The following RELCH variants were observed in gnomAD, a reference collection of about 807,000 sequenced individuals.
The protein encoded by RELCH is RAB11 binding and LisH domain, coiled-coil and HEAT repeat containing.
RELCH carries 41 observed loss-of-function variants against 150.3 expected under a neutral mutation model. That is an observed-to-expected ratio of 0.27 (90% confidence interval 0.21 to 0.35). The LOEUF (loss-of-function observed/expected upper bound fraction) is 0.35, where lower values mean the gene tolerates loss of function less well. RELCH is among the 10% of genes least tolerant of loss of function. The pLI is 1.00. For synonymous variants in RELCH, 478 were observed against 531.8 expected (o/e 0.90, Z 1.39); for missense variants, 1,092 against 1,467.8 (o/e 0.74, Z 4.18).
chr18:62,305,194 G>T lies in RELCH; in HGVS notation c.3531-220G>T, dbSNP rs1293749084. 1.3e-5 allele frequency among the ~76,000 whole-genome samples: 2 copies of T among 152,118 alleles called. No homozygotes were observed. Among genetic ancestry groups the T allele is most frequent in the African/African-American group, 2.4e-5 (1 of 41,422 alleles). ...AGAGCCAAGATTCAGTCCAGTCCCA[G>T]ACTTGTTCCTAACCACTACACATAC... On this transcript the variant is annotated intron_variant, in intron 28 of 28. Coordinates refer to ENST00000644646, the MANE Select transcript of RELCH (RefSeq NM_001346231.2). The surrounding 1 kb of genome is among the most constrained non-coding windows in gnomAD (Gnocchi z 4.0).
chr18:62,203,892 T>A (rs777900267), intron 1 of RELCH, among the ~76,000 whole-genome samples: 3 of 152,110 alleles, frequency 2.0e-5, no homozygotes, highest in Non-Finnish European at 2.9e-5. Flanking sequence ...GGCGGGAAGA[T>A]CACATGAGCC....
At chr18:62,212,175 G>T (rs1484844615) in intron 2 of RELCH, among the ~76,000 whole-genome samples, 1 of 152,160 alleles carries the variant, frequency 6.6e-6, no homozygotes, top group African/African-American at 2.4e-5. Context: ...ATTTGCTAGG[G>T]GTCCACTTTG....
At chr18:62,301,545 C>G (rs2045664550) in intron 28 of RELCH, among the ~76,000 whole-genome samples, 1 of 152,168 alleles carries the variant, frequency 6.6e-6, no homozygotes, top group African/African-American at 2.4e-5. Context: ...GTAGCCAATA[C>G]TTAGGAACTT....
intron 1 of RELCH, among the ~76,000 whole-genome samples, chr18:62,205,524 C>T (rs190029838): frequency 3.9e-5 from 6 of 152,164 alleles, no homozygotes; most frequent in Non-Finnish European, 7.3e-5. Flanking sequence ...TTGAGATTCA[C>T]TCATATTATT....
intron 1 of RELCH, among the ~76,000 whole-genome samples, chr18:62,209,079 A>G (rs150259758): frequency 6.6e-6 from 1 of 152,334 alleles, no homozygotes; most frequent in East Asian, 1.9e-4. Context: ...CTGATAAGCA[A>G]TCTTAATAAT....
intron 27 of RELCH, among the ~76,000 whole-genome samples, chr18:62,292,779 C>T (rs1012713066): frequency 6.6e-6 from 1 of 152,094 alleles, no homozygotes; most frequent in African/African-American, 2.4e-5. Flanking sequence ...TAATCTCTTC[C>T]GTTTCTTTAT....
intron 12 of RELCH, among the ~76,000 whole-genome samples, chr18:62,253,283 GTGT>G (rs1219809570): frequency 3.4e-5 from 4 of 119,280 alleles, no homozygotes; most frequent in African/African-American, 1.6e-4. Context: ...GTGTGTGTGT[GTGT>G]GTGTGTGTGT....
At chr18:62,196,240 CTTTTT>C (rs112667260) in intron 1 of RELCH, among the ~76,000 whole-genome samples, 10,759 of 151,922 alleles carry the variant, frequency 0.071, 431 homozygotes, top group Middle Eastern at 0.17. Flanking sequence ...CTTTTCTTTT[CTTTTT>C]TTGAGACATA....
chr18:62,255,635 A>G (rs1458255260), intron 13 of RELCH, among the ~76,000 whole-genome samples, 157 bp downstream of exon 13: 2 of 152,142 alleles, frequency 1.3e-5, no homozygotes, highest in Non-Finnish European at 2.9e-5. Flanking sequence ...TTAGTACAGT[A>G]TGGCATTGCA....
Position 62,305,732 on chromosome 18 carries a change from A to C in RELCH, c.*198A>C, listed in dbSNP as rs2045857506. On this transcript the variant is annotated 3_prime_UTR_variant, in exon 29 of 29. Coordinates refer to ENST00000644646, the MANE Select transcript of RELCH (RefSeq NM_001346231.2). The surrounding 1 kb of genome is among the most constrained non-coding windows in gnomAD (Gnocchi z 4.0). The stretch of plus-strand genomic sequence containing the variant: ...ATTTTGGAGTTACAACTGTGGTGAT[A>C]GAAAATTGAGTTGATGGTCTGTACC... 1 of 388,130 alleles carries C rather than the reference A, an allele frequency of 2.6e-6. No homozygotes were observed. The highest frequency in any genetic ancestry group is 4.6e-5 in the Admixed American group (1 of 21,978). The allele number at this position is 388,130 out of a possible 1,614,324, so 24.0% of individuals were successfully genotyped here.
chr18:62,209,879 G>A (rs1456828583), intron 1 of RELCH, among the ~76,000 whole-genome samples: 1 of 152,114 alleles, frequency 6.6e-6, no homozygotes, highest in East Asian at 1.9e-4. Context: ...GTTTGGAAAT[G>A]AAACTTGTCT....
At chr18:62,195,410 A>G (rs2038966394) in intron 1 of RELCH, among the ~76,000 whole-genome samples, 1 of 152,088 alleles carries the variant, frequency 6.6e-6, no homozygotes, top group Non-Finnish European at 1.5e-5. Flanking sequence ...AATGACATTG[A>G]TGAACACTGA....
At chr18:62,242,214 A>G (rs917860081) in intron 10 of RELCH, among the ~76,000 whole-genome samples, 3 of 152,180 alleles carry the variant, frequency 2.0e-5, no homozygotes, top group African/African-American at 4.8e-5. Context: ...GTGACTTCCC[A>G]TATGTTGTTA....
intron 28 of RELCH, 146 bp downstream of exon 28, chr18:62,299,006 T>G: frequency 1.7e-6 from 1 of 572,476 alleles, no homozygotes; most frequent in Middle Eastern, 3.6e-4. Flanking sequence ...TCATTGGTTC[T>G]CAAATCCTGG....
At chr18:62,271,962 G>T (rs981677450) in intron 20 of RELCH, among the ~76,000 whole-genome samples, 7 of 151,996 alleles carry the variant, frequency 4.6e-5, no homozygotes, top group African/African-American at 1.7e-4. Flanking sequence ...TGTTTTGGTG[G>T]CAGTTATTAT....
At chr18:62,217,705 T>C (rs1014767985) in intron 2 of RELCH, among the ~76,000 whole-genome samples, 5 of 151,986 alleles carry the variant, frequency 3.3e-5, no homozygotes, top group Non-Finnish European at 7.4e-5. Flanking sequence ...AGAGTACTTG[T>C]GAAACTTAAA....
intron 10 of RELCH, among the ~76,000 whole-genome samples, chr18:62,242,741 A>G (rs1171001248): frequency 6.6e-6 from 1 of 152,172 alleles, no homozygotes; most frequent in Non-Finnish European, 1.5e-5. Context: ...AAAGCAAAAG[A>G]AAGTAAAATA....
At chr18:62,229,962 C>CT (rs2041467781) in intron 8 of RELCH, among the ~76,000 whole-genome samples, 1 of 151,998 alleles carries the variant, frequency 6.6e-6, no homozygotes, top group South Asian at 2.1e-4. Context: ...GGTATCTAAG[C>CT]TTTAGAAAGG....
chr18:62,267,494 G>A lies in RELCH; in HGVS notation c.2680+745G>A, dbSNP rs866336923. Among the ~76,000 whole-genome samples, 193 of 125,912 alleles carry A rather than the reference G, an allele frequency of 1.5e-3. 2 individuals carry two copies. Among genetic ancestry groups the A allele is most frequent in the African/African-American group, 5.9e-3 (171 of 29,016 alleles). The allele number at this position is 125,912 out of a possible 152,430, so 82.6% of individuals were successfully genotyped here. On this transcript the variant is annotated intron_variant, in intron 19 of 28. Coordinates refer to ENST00000644646, the MANE Select transcript of RELCH (RefSeq NM_001346231.2). ...ATAGTCTAGGTATATATGTGTGTGT[G>A]TGTGTGTGTGTGTGTGTGTGTGTGT...
Sources: allele counts gnomAD v4.1 joint callset (sites outside exome capture counted in the v4.1 genomes callset), GRCh38; gene constraint gnomAD v4.1.1; non-coding constraint Gnocchi (gnomAD v3.1); transcripts MANE v1.5; gene names NCBI Gene and HGNC (gene_info 2026-07-23, HGNC 2026-07-21).